PDZRN4: variants seen among roughly 807,000 people sequenced by gnomAD.
The protein encoded by PDZRN4 is PDZ domain containing ring finger 4, also known as PDZ domain-containing RING finger protein 4.
PDZRN4 carries 70 observed loss-of-function variants against 99.0 expected under a neutral mutation model. The ratio of observed to expected loss-of-function variants is 0.71; its 90% confidence interval spans 0.58 to 0.86. The LOEUF is 0.86. Ranked by LOEUF, PDZRN4 falls within the 40% of genes least tolerant of loss-of-function variation. PDZRN4 has a pLI of 0.00. For synonymous variants in PDZRN4, 551 were observed against 501.6 expected (o/e 1.10, Z -1.32); for missense variants, 1,474 against 1,331.2 (o/e 1.11, Z -1.67).
intron 3 of PDZRN4, among the ~76,000 whole-genome samples, chr12:41,316,649 T>C (rs1951640041): frequency 6.6e-6 from 1 of 152,050 alleles, no homozygotes; most frequent in Non-Finnish European, 1.5e-5. Context: ...CGAGTACCCA[T>C]GTTTGTATGG....
At chr12:41,269,582 C>A (rs146163294) in intron 3 of PDZRN4, among the ~76,000 whole-genome samples, 2,536 of 151,906 alleles carry the variant, frequency 0.017, 66 homozygotes, top group African/African-American at 0.059. Flanking sequence ...TTTTCAAATT[C>A]TTTCAGCAAT....
At chr12:41,307,522 A>G (rs1161260020) in intron 3 of PDZRN4, among the ~76,000 whole-genome samples, 1 of 152,122 alleles carries the variant, frequency 6.6e-6, no homozygotes, top group Non-Finnish European at 1.5e-5. Context: ...ACTGGAGATT[A>G]GGGCTTCAAC....
chr12:41,322,276 C>T (rs780086988), intron 3 of PDZRN4, among the ~76,000 whole-genome samples: 5 of 151,956 alleles, frequency 3.3e-5, no homozygotes, highest in Admixed American at 6.6e-5. Context: ...ATCCGTCCAC[C>T]TCGGCCTCCC....
chr12:41,501,912 TTGAA>T (rs565319951), intron 3 of PDZRN4, among the ~76,000 whole-genome samples: 37 of 152,254 alleles, frequency 2.4e-4, no homozygotes, highest in Non-Finnish European at 4.3e-4. Context: ...GTTAATTCAT[TTGAA>T]TATATACCTT....
chr12:41,505,712 T>C (rs1938194887), intron 3 of PDZRN4, among the ~76,000 whole-genome samples: 1 of 151,928 alleles, frequency 6.6e-6, no homozygotes, highest in Non-Finnish European at 1.5e-5. Flanking sequence ...CAGGGCTACC[T>C]TGGAGAGTCA....
intron 3 of PDZRN4, among the ~76,000 whole-genome samples, chr12:41,408,319 A>AT (rs1359704144): frequency 6.6e-6 from 1 of 152,254 alleles, no homozygotes; most frequent in Non-Finnish European, 1.5e-5. Flanking sequence ...CTGAAACAGA[A>AT]CGATAAAGAT....
chr12:41,315,016 A>G (rs56254958), intron 3 of PDZRN4, among the ~76,000 whole-genome samples: 3 of 152,120 alleles, frequency 2.0e-5, no homozygotes, highest in Non-Finnish European at 4.4e-5. Flanking sequence ...ATCTGTTTGC[A>G]TGGTATACAG....
intron 3 of PDZRN4, among the ~76,000 whole-genome samples, chr12:41,425,410 A>G (rs1952527210): frequency 6.6e-6 from 1 of 151,722 alleles, no homozygotes; most frequent in Non-Finnish European, 1.5e-5. Flanking sequence ...AAATTCAAAT[A>G]TATTGGCCTA....
intron 3 of PDZRN4, among the ~76,000 whole-genome samples, chr12:41,201,984 T>A (rs947628799): frequency 2.6e-5 from 4 of 152,170 alleles, no homozygotes; most frequent in Non-Finnish European, 5.9e-5. Context: ...TGAACAACCC[T>A]GGTAAAGCTG....
intron 3 of PDZRN4, among the ~76,000 whole-genome samples, chr12:41,207,688 C>T (rs1389821821): frequency 1.3e-5 from 2 of 151,710 alleles, no homozygotes; most frequent in Non-Finnish European, 2.9e-5. Context: ...TGTGTGCCAA[C>T]CACCAGGCAA....
Position 41,376,501 on chromosome 12 carries a change from G to A in PDZRN4, c.844-129955G>A, listed in dbSNP as rs376115585. Among the ~76,000 whole-genome samples the A allele has an allele frequency of 6.6e-4, 101 of 152,108 alleles. 1 individual carries two copies. Among genetic ancestry groups the A allele is most frequent in the African/African-American group, 2.4e-3 (100 of 41,520 alleles). On this transcript the variant is annotated intron_variant, in intron 3 of 9. Coordinates refer to ENST00000402685, the MANE Select transcript of PDZRN4 (RefSeq NM_001164595.2). Reference sequence around the variant, plus strand: ...TCACTTATATTGAATATATTTTCATGTATTTACTGGCCATCCATATGTCTT... The same window carrying A: ...TCACTTATATTGAATATATTTTCATATATTTACTGGCCATCCATATGTCTT...
intron 3 of PDZRN4, among the ~76,000 whole-genome samples, chr12:41,505,668 C>T (rs953385967): frequency 1.3e-5 from 2 of 151,870 alleles, no homozygotes; most frequent in Non-Finnish European, 2.9e-5. Context: ...TGACTGAGGA[C>T]AAAGGGAGAC....
chr12:41,362,347 G>T (rs1479528914), intron 3 of PDZRN4, among the ~76,000 whole-genome samples: 1 of 151,852 alleles, frequency 6.6e-6, no homozygotes. Flanking sequence ...TTAGAGAAGA[G>T]AATCTGGATT....
chr12:41,512,890 G>A (rs1938331655), intron 5 of PDZRN4, among the ~76,000 whole-genome samples: 1 of 152,096 alleles, frequency 6.6e-6, no homozygotes, highest in South Asian at 2.1e-4. Context: ...TTACAGGTTA[G>A]AGTGAAGCAC....
intron 5 of PDZRN4, among the ~76,000 whole-genome samples, chr12:41,533,537 G>T (rs1015678118): frequency 6.6e-6 from 1 of 152,112 alleles, no homozygotes; most frequent in Non-Finnish European, 1.5e-5. Flanking sequence ...TTGTCCAAAA[G>T]TATTTTTTAT....
At chr12:41,227,876 TACACACAC>T (rs138441771) in intron 3 of PDZRN4, among the ~76,000 whole-genome samples, 20,221 of 94,006 alleles carry the variant, frequency 0.22, 1,505 homozygotes, top group Non-Finnish European at 0.27. Context: ...AGCAAAAATC[TACACACAC>T]ACACACACAC....
At chr12:41,500,486 G>T (rs537694485) in intron 3 of PDZRN4, among the ~76,000 whole-genome samples, 2 of 152,184 alleles carry the variant, frequency 1.3e-5, no homozygotes, top group South Asian at 4.1e-4. Context: ...GGACTTTGGG[G>T]TTGATGCAAT....
intron 3 of PDZRN4, among the ~76,000 whole-genome samples, chr12:41,307,252 G>A (rs529662689): frequency 7.9e-5 from 12 of 152,168 alleles, no homozygotes; most frequent in South Asian, 2.1e-4. Context: ...TCTGCATGCC[G>A]GGAAGTCTGA....
intron 3 of PDZRN4, among the ~76,000 whole-genome samples, chr12:41,394,663 G>A (rs1412930058): frequency 2.0e-5 from 3 of 152,046 alleles, no homozygotes; most frequent in Non-Finnish European, 2.9e-5. Flanking sequence ...GGTTGTTAGA[G>A]GTCTTAGTTC....
Sources: gnomAD v4.1 joint callset for allele counts (sites outside exome capture counted in the v4.1 genomes callset) on GRCh38, gnomAD v4.1.1 for gene constraint, MANE v1.5 for transcripts, NCBI Gene and HGNC (gene_info 2026-07-23, HGNC 2026-07-21) for gene names.